ATXN10: variants seen among roughly 807,000 people sequenced by gnomAD.
ATXN10 encodes the protein ataxin-10.
In ATXN10, 28 loss-of-function variants were observed where a neutral mutation model predicts 52.9. The ratio of observed to expected loss-of-function variants is 0.53; its 90% CI spans 0.39 to 0.73. The LOEUF (loss-of-function observed/expected upper bound fraction) is 0.73, where lower values mean the gene tolerates loss of function less well. ATXN10 is among the 30% of genes least tolerant of loss of function. ATXN10 has a pLI of 0.00. For missense variants in ATXN10, 565 were observed against 577.0 expected, an observed-to-expected ratio of 0.98 and a Z score of 0.21; for synonymous variants, 226 against 221.5, an observed-to-expected ratio of 1.02 and a Z score of -0.18.
chr22:45,793,566 A>G, intron 9 of ATXN10: 8 of 1,286,660 alleles, frequency 6.2e-6, no homozygotes, highest in Non-Finnish European at 7.9e-6. Context: ...TTCTGTGACA[A>G]ATGACTAGAA....
At chr22:45,721,459 A>G (rs1427846012) in intron 6 of ATXN10, among the ~76,000 whole-genome samples, 2 of 152,186 alleles carry the variant, frequency 1.3e-5, no homozygotes, top group Non-Finnish European at 2.9e-5. Flanking sequence ...CTGGCATGTA[A>G]TGGTCACCCC....
chr22:45,702,753 C>A lies in ATXN10; in HGVS notation c.553C>A (p.Leu185Ile), dbSNP rs755059916. The change falls in exon 5 of 12, where the codon CTT becomes ATT. Residue 185 changes from leucine (L) to isoleucine (I), a missense_variant. Transcript: ENST00000252934. ...AYSSMILFTS[L>I]NHERMKELEE... Reference sequence around the variant, plus strand: ...CTCTTCAATGATTTTGTTTACATCCCTTAATCATGAAAGAATGAAAGAACT... The same window carrying A: ...CTCTTCAATGATTTTGTTTACATCCATTAATCATGAAAGAATGAAAGAACT... The A allele has an allele frequency of 1.9e-6, 3 of 1,613,992 alleles. No homozygotes were observed. Among genetic ancestry groups the A allele is most frequent in the Non-Finnish European group, 8.5e-7 (1 of 1,179,948 alleles).
chr22:45,704,526 T>C (rs555510551), intron 5 of ATXN10, among the ~76,000 whole-genome samples: 28 of 152,320 alleles, frequency 1.8e-4, no homozygotes, highest in South Asian at 8.3e-4. Context: ...CTAAGTATTT[T>C]ATTCTTTTTG....
intron 9 of ATXN10, among the ~76,000 whole-genome samples, chr22:45,782,076 C>G (rs372927793): frequency 1.3e-5 from 2 of 152,174 alleles, no homozygotes; most frequent in African/African-American, 2.4e-5. Context: ...AAGAGTGGAT[C>G]GAGTTTCCTT....
At chr22:45,768,194 C>T (rs1466059100) in intron 9 of ATXN10, among the ~76,000 whole-genome samples, 2 of 151,988 alleles carry the variant, frequency 1.3e-5, no homozygotes, top group African/African-American at 2.4e-5. Flanking sequence ...TTCTTAATAC[C>T]ATTTTTCTCT....
intron 9 of ATXN10, among the ~76,000 whole-genome samples, chr22:45,801,127 T>C (rs969177836): frequency 6.6e-6 from 1 of 152,248 alleles, no homozygotes; most frequent in Non-Finnish European, 1.5e-5. Flanking sequence ...ACAGGTTGGC[T>C]TGGTGGGTGC....
chr22:45,689,316 G>T (rs914881134), intron 1 of ATXN10: 6 of 278,822 alleles, frequency 2.2e-5, no homozygotes, highest in Admixed American at 1.4e-4. Context: ...GCAGTCACTG[G>T]AACTGGGATT....
chr22:45,803,225 C>T (rs940762188), intron 9 of ATXN10, among the ~76,000 whole-genome samples: 1 of 152,164 alleles, frequency 6.6e-6, no homozygotes, highest in African/African-American at 2.4e-5. Flanking sequence ...ATCTCATAGC[C>T]AGGCTTTGAC....
At chr22:45,821,122 T>A (rs980249245) in intron 10 of ATXN10, among the ~76,000 whole-genome samples, 11 of 152,292 alleles carry the variant, frequency 7.2e-5, no homozygotes, top group African/African-American at 2.6e-4. Flanking sequence ...AGGAAAAGCC[T>A]GTAGAAAAGT....
At chr22:45,779,906 G>A (rs1337620403) in intron 9 of ATXN10, among the ~76,000 whole-genome samples, 1 of 151,902 alleles carries the variant, frequency 6.6e-6, no homozygotes, top group Non-Finnish European at 1.5e-5. Flanking sequence ...TTAATAATGT[G>A]TTTCTGAAAA....
intron 5 of ATXN10, among the ~76,000 whole-genome samples, chr22:45,710,181 T>C (rs1425901641): frequency 6.6e-6 from 1 of 152,232 alleles, no homozygotes; most frequent in Non-Finnish European, 1.5e-5. Flanking sequence ...AAAGTACTTG[T>C]CATGTCCTGG....
chr22:45,807,095 T>C (rs1290951890), intron 10 of ATXN10, 73 bp downstream of exon 10: 1 of 1,233,648 alleles, frequency 8.1e-7, no homozygotes, highest in Admixed American at 1.7e-5. Context: ...CCTTGCCTCA[T>C]GTTCATTCAG....
rs1411062023 is a variant in ATXN10 at position 45,824,843 on chromosome 22, G to C, written c.1237+17821G>C. 6.6e-6 allele frequency among the ~76,000 whole-genome samples: 1 copy of C among 152,236 alleles called. No homozygotes were observed. The highest frequency in any genetic ancestry group is 1.5e-5 in the Non-Finnish European group (1 of 68,040). ...TAACAACAACAGTAATAACAGATTT[G>C]TGTGGGAGAGGGTTCAGGGAAATTC... On this transcript the variant is annotated intron_variant, in intron 10 of 11. Transcript: ENST00000252934. This position sits in a 1 kb window ranked among gnomAD's most constrained non-coding sequence, Gnocchi z 5.2.
Position 45,718,590 on chromosome 22 carries a change from A to C in ATXN10, c.728+97A>C, listed in dbSNP as rs923006468. 2 of 1,084,888 alleles carry C rather than the reference A, an allele frequency of 1.8e-6. No homozygotes were observed. Among genetic ancestry groups the C allele is most frequent in the Non-Finnish European group, 2.9e-6 (2 of 700,080 alleles). The allele number at this position is 1,084,888 out of a possible 1,614,324, so 67.2% of individuals were successfully genotyped here. On this transcript the variant is annotated intron_variant, in intron 6 of 11. Coordinates refer to ENST00000252934, the MANE Select transcript of ATXN10 (RefSeq NM_013236.4). The surrounding 1 kb of genome is among the most constrained non-coding windows in gnomAD (Gnocchi z 4.4). ...AGCTGTGTGGTTTCTGAGTTGGCACAGAATCTCTAAATACATGTTTCTGTG... is the reference window on the plus strand; with the variant it reads ...AGCTGTGTGGTTTCTGAGTTGGCACCGAATCTCTAAATACATGTTTCTGTG...
intron 1 of ATXN10, chr22:45,675,921 C>T (rs897241844): frequency 5.3e-5 from 8 of 152,246 alleles, no homozygotes; most frequent in South Asian, 4.2e-4. Context: ...TCAGCTGTTT[C>T]TTCTCTGTGT....
rs1354168033 is a variant in ATXN10, at chr22:45,843,713, A to G, written c.*42A>G. On this transcript the variant is annotated 3_prime_UTR_variant, in exon 12 of 12. Coordinates refer to ENST00000252934, the MANE Select transcript of ATXN10 (RefSeq NM_013236.4). This position sits in a 1 kb window ranked among gnomAD's most constrained non-coding sequence, Gnocchi z 4.5. Reference sequence around the variant, plus strand: ...TACCTGAATTTTTGGAATCTGTTTCATGGATTTTTCATCTTCTACCGTATG... The same window carrying G: ...TACCTGAATTTTTGGAATCTGTTTCGTGGATTTTTCATCTTCTACCGTATG... 3.8e-6 allele frequency: 6 copies of G among 1,595,922 alleles called. No homozygotes were observed. The highest frequency in any genetic ancestry group is 5.1e-6 in the Non-Finnish European group (6 of 1,165,078).
In ATXN10 at chr22:45,828,952, A is replaced by G. The variant is rs909602180; in HGVS notation, c.1238-14039A>G. On this transcript the variant is annotated intron_variant, in intron 10 of 11. Coordinates refer to ENST00000252934, the MANE Select transcript of ATXN10 (RefSeq NM_013236.4). The surrounding 1 kb of genome is among the most constrained non-coding windows in gnomAD (Gnocchi z 4.5). ...CCTGGTACAAAAGCTAGACAGAGAC[A>G]CTACAAGAAAACTAAAGACCAACAT... Among the ~76,000 whole-genome samples, 27 of 152,204 alleles carry G rather than the reference A, an allele frequency of 1.8e-4. No homozygotes were observed. Among genetic ancestry groups the G allele is most frequent in the African/African-American group, 6.5e-4 (27 of 41,450 alleles).
intron 7 of ATXN10, among the ~76,000 whole-genome samples, chr22:45,737,367 A>G (rs982907247): frequency 2.6e-5 from 4 of 152,208 alleles, no homozygotes; most frequent in Admixed American, 1.3e-4. Context: ...CACGATAACA[A>G]TCTGGGCAGC....
intron 6 of ATXN10, among the ~76,000 whole-genome samples, chr22:45,719,774 G>T (rs1195154631): frequency 6.6e-6 from 1 of 152,112 alleles, no homozygotes; most frequent in Admixed American, 6.6e-5. Context: ...GTTCTGCTCA[G>T]TTGTCACCTC....
Sources: allele counts gnomAD v4.1 joint callset (sites outside exome capture counted in the v4.1 genomes callset), GRCh38; gene constraint gnomAD v4.1.1; non-coding constraint Gnocchi (gnomAD v3.1); transcripts MANE v1.5; gene names NCBI Gene and HGNC (gene_info 2026-07-23, HGNC 2026-07-21).